ULK4: variants seen among roughly 807,000 people sequenced by gnomAD.
ULK4 encodes unc-51 like kinase 4.
In ULK4, 133 loss-of-function variants were observed where a neutral mutation model predicts 160.6. The ratio of observed to expected loss-of-function variants is 0.83; its 90% CI spans 0.72 to 0.96. ULK4 has a LOEUF of 0.96. ULK4 is among the 40% of genes least tolerant of loss of function. The probability of loss-of-function intolerance (pLI) is 0.00; values close to 1 mark genes in which losing one functional copy is unlikely to be tolerated. For synonymous variants in ULK4, 534 were observed against 539.8 expected (o/e 0.99, Z 0.15); for missense variants, 1,580 against 1,499.5 (o/e 1.05, Z -0.89).
intron 35 of ULK4, among the ~76,000 whole-genome samples, chr3:41,348,606 A>T (rs1222882925): frequency 1.3e-5 from 2 of 151,956 alleles, no homozygotes; most frequent in Non-Finnish European, 2.9e-5. Flanking sequence ...TTTCCAAAAG[A>T]GATAAATATA....
At chr3:41,777,288 T>C in intron 21 of ULK4, among the ~76,000 whole-genome samples, 1 of 86,584 alleles carries the variant, frequency 1.2e-5, no homozygotes, top group Non-Finnish European at 2.0e-5. Flanking sequence ...TCATTTTTTA[T>C]TGTGTCTATT....
chr3:41,540,145 G>C (rs1477705298), intron 32 of ULK4, among the ~76,000 whole-genome samples: 1 of 152,006 alleles, frequency 6.6e-6, no homozygotes, highest in South Asian at 2.1e-4. Flanking sequence ...TTGCCATGGT[G>C]GTTCACTGCA....
chr3:41,629,826 A>AT (rs1042354915), intron 30 of ULK4, among the ~76,000 whole-genome samples: 4 of 128,870 alleles, frequency 3.1e-5, no homozygotes, highest in East Asian at 2.0e-4. Flanking sequence ...GCTGGTCTCT[A>AT]TAAAAAAAAA....
Position 41,736,995 on chromosome 3 carries a change from A to T in ULK4, c.2321+17366T>A, listed in dbSNP as rs1319359051. 2.0e-5 allele frequency among the ~76,000 whole-genome samples: 3 copies of T among 151,826 alleles called. No homozygotes were observed. In the East Asian group the frequency reaches 5.8e-4, roughly 29 times the overall value. On this transcript the variant is annotated intron_variant, in intron 22 of 36. Coordinates refer to ENST00000301831, the MANE Select transcript of ULK4 (RefSeq NM_017886.4). ...GTTTGTCAGGTTTGTCAAAGATCAG[A>T]TAGTTGTAGATATGTGGCATTATTT...
intron 35 of ULK4, among the ~76,000 whole-genome samples, chr3:41,288,039 C>T (rs995495180): frequency 2.6e-5 from 4 of 151,852 alleles, no homozygotes; most frequent in Non-Finnish European, 5.9e-5. Context: ...GAGTCTGAGG[C>T]AAGTATGAAA....
chr3:41,469,651 G>T (rs1157987281), intron 32 of ULK4, among the ~76,000 whole-genome samples: 1 of 109,912 alleles, frequency 9.1e-6, no homozygotes, highest in Non-Finnish European at 2.0e-5. Flanking sequence ...TAAAAAGATG[G>T]CTATCTCCTC....
At chr3:41,399,263 G>A (rs1201222857) in intron 34 of ULK4, among the ~76,000 whole-genome samples, 4 of 152,148 alleles carry the variant, frequency 2.6e-5, no homozygotes, top group African/African-American at 9.7e-5. Flanking sequence ...ATGATGTGGA[G>A]TACCTTTTCA....
chr3:41,774,808 A>C (rs1226880278), intron 21 of ULK4, among the ~76,000 whole-genome samples: 6 of 150,566 alleles, frequency 4.0e-5, no homozygotes, highest in Admixed American at 2.6e-4. Context: ...CAATAGCAAA[A>C]ACTTGGAACC....
chr3:41,591,022 A>C (rs1451285132), intron 31 of ULK4, among the ~76,000 whole-genome samples: 1 of 152,148 alleles, frequency 6.6e-6, no homozygotes, highest in Non-Finnish European at 1.5e-5. Flanking sequence ...ATATGTACAC[A>C]CACACCCTCC....
At chr3:41,402,850 T>C (rs569319608) in intron 34 of ULK4, among the ~76,000 whole-genome samples, 17 of 152,290 alleles carry the variant, frequency 1.1e-4, no homozygotes, top group African/African-American at 3.8e-4. Context: ...AATATCACCC[T>C]CATAAAATGA....
At chr3:41,769,363 C>A (rs1285087163) in intron 21 of ULK4, among the ~76,000 whole-genome samples, 3 of 152,158 alleles carry the variant, frequency 2.0e-5, no homozygotes, top group African/African-American at 4.8e-5. Context: ...AGATTACAGG[C>A]TACAGGCAAA....
At chr3:41,612,397 C>T (rs977773746) in intron 31 of ULK4, among the ~76,000 whole-genome samples, 2 of 152,108 alleles carry the variant, frequency 1.3e-5, no homozygotes, top group African/African-American at 2.4e-5. Flanking sequence ...GGGTCCACAG[C>T]TTTCCAGACC....
intron 31 of ULK4, among the ~76,000 whole-genome samples, chr3:41,580,445 T>C (rs1419161461): frequency 6.6e-6 from 1 of 151,932 alleles, no homozygotes; most frequent in Non-Finnish European, 1.5e-5. Flanking sequence ...ATTTGGATAG[T>C]TTCATTTCCC....
intron 1 of ULK4, among the ~76,000 whole-genome samples, chr3:41,961,599 TCGG>T (rs1700675988): frequency 7.1e-6 from 1 of 141,704 alleles, no homozygotes; most frequent in South Asian, 2.2e-4. Flanking sequence ...GGCGGGCGAA[TCGG>T]CGGCTTTCGC....
At chr3:41,828,829 C>T (rs370065213) in intron 18 of ULK4, among the ~76,000 whole-genome samples, 4,847 of 152,206 alleles carry the variant, frequency 0.032, 104 homozygotes, top group Non-Finnish European at 0.048. Flanking sequence ...AAAGAGCCCA[C>T]ATTGCCAAGT....
intron 35 of ULK4, among the ~76,000 whole-genome samples, chr3:41,289,443 C>T (rs1001593395): frequency 2.6e-5 from 4 of 152,188 alleles, no homozygotes; most frequent in African/African-American, 7.2e-5. Flanking sequence ...AATACTGTCA[C>T]GCAGTTCTCT....
chr3:41,631,737 A>G (rs1331621823), intron 30 of ULK4, among the ~76,000 whole-genome samples: 1 of 152,146 alleles, frequency 6.6e-6, no homozygotes, highest in African/African-American at 2.4e-5. Context: ...CAGAGAGTAC[A>G]AAAGGAGAAA....
intron 17 of ULK4, among the ~76,000 whole-genome samples, chr3:41,865,983 C>T (rs530394526): frequency 1.3e-5 from 2 of 152,084 alleles, no homozygotes; most frequent in African/African-American, 4.8e-5. Flanking sequence ...AAAAGACAAG[C>T]CACAGAGAAA....
intron 32 of ULK4, among the ~76,000 whole-genome samples, chr3:41,496,815 A>C (rs954668152): frequency 9.2e-5 from 14 of 152,318 alleles, no homozygotes; most frequent in Non-Finnish European, 1.8e-4. Context: ...CTGAGATCTA[A>C]GAAAAGCAAC....
Sources: gnomAD v4.1 joint callset for allele counts (sites outside exome capture counted in the v4.1 genomes callset) on GRCh38, gnomAD v4.1.1 for gene constraint, MANE v1.5 for transcripts, NCBI Gene and HGNC (gene_info 2026-07-23, HGNC 2026-07-21) for gene names.